The following METAP1 variants were observed in gnomAD, a reference collection of about 807,000 sequenced individuals.
METAP1 encodes methionyl aminopeptidase 1, also known as methionine aminopeptidase 1.
A neutral mutation model predicts 53.8 loss-of-function variants in METAP1; 28 were observed. The observed-to-expected ratio is 0.52, with a 90% confidence interval of 0.39 to 0.71. The LOEUF (loss-of-function observed/expected upper bound fraction) is 0.71, where lower values mean the gene tolerates loss of function less well. Ranked by LOEUF, METAP1 falls within the 30% of genes least tolerant of loss-of-function variation. The pLI is 0.00. For synonymous variants in METAP1, 181 were observed against 165.7 expected (o/e 1.09, Z -0.71); for missense variants, 389 against 479.8 (o/e 0.81, Z 1.77).
chr4:99,000,784 A>C (rs1722884828), intron 1 of METAP1, among the ~76,000 whole-genome samples: 1 of 151,134 alleles, frequency 6.6e-6, no homozygotes, highest in Admixed American at 6.6e-5. Context: ...GTTCACTGCA[A>C]CCTTCACCTC....
chr4:99,016,406 T>TG (rs771411809), intron 1 of METAP1, among the ~76,000 whole-genome samples: 2 of 152,146 alleles, frequency 1.3e-5, no homozygotes, highest in Non-Finnish European at 2.9e-5. Context: ...TCTACTCTCC[T>TG]GGAGGAGGAG....
intron 7 of METAP1, 128 bp from the exon 8 acceptor site, chr4:99,045,051 T>TCA (rs1726121698): frequency 1.1e-6 from 1 of 872,364 alleles, no homozygotes; most frequent in East Asian, 2.8e-5. Flanking sequence ...ATCTATCCAT[T>TCA]GGTGTCTAAT....
At chr4:98,996,526 C>G (rs932333596) in intron 1 of METAP1, among the ~76,000 whole-genome samples, 3 of 152,168 alleles carry the variant, frequency 2.0e-5, no homozygotes, top group Non-Finnish European at 2.9e-5. Flanking sequence ...TCTTTTCTTT[C>G]GGTATATAAA....
At chr4:99,041,494 A>G (rs2110369545) in intron 6 of METAP1, among the ~76,000 whole-genome samples, 1 of 152,254 alleles carries the variant, frequency 6.6e-6, no homozygotes, top group South Asian at 2.1e-4. Flanking sequence ...ATGGTAGATT[A>G]GTTAAATGTT....
intron 5 of METAP1, among the ~76,000 whole-genome samples, 183 bp downstream of exon 5, chr4:99,039,648 C>T (rs1043046314): frequency 6.6e-6 from 1 of 151,050 alleles, no homozygotes; most frequent in Non-Finnish European, 1.5e-5. Flanking sequence ...GGCTGGAGTG[C>T]AGTGGCGTGA....
rs1465674737 is a variant in METAP1 at position 99,025,547 on chromosome 4, A to G, written c.115-3320A>G. The stretch of plus-strand genomic sequence containing the variant: ...TTATTTGTAAAGAAAAGCATTTCAC[A>G]GGATTTTAATGAGGAGCCAGAGCTG... On this transcript the variant is annotated intron_variant, in intron 1 of 10. Transcript: ENST00000296411. 4.5e-6 allele frequency: 4 copies of G among 880,530 alleles called. No homozygotes were observed. The African/African-American group carries it at 7.3e-5, about 16-fold the overall frequency. 54.5% of individuals were successfully genotyped at this position (880,530 alleles called of 1,614,324 possible).
chr4:99,008,778 T>C (rs1723312317), intron 1 of METAP1, among the ~76,000 whole-genome samples: 1 of 152,218 alleles, frequency 6.6e-6, no homozygotes, highest in South Asian at 2.1e-4. Flanking sequence ...AAATCTCAAA[T>C]GTTAGCTGCT....
intron 9 of METAP1, among the ~76,000 whole-genome samples, chr4:99,054,082 C>T (rs775912267): frequency 2.0e-4 from 30 of 151,782 alleles, no homozygotes; most frequent in Non-Finnish European, 3.1e-4. Context: ...GCTGCAGGAT[C>T]CCCTAACAAG....
intron 5 of METAP1, 120 bp downstream of exon 5, chr4:99,039,585 C>CTT (rs372906038): frequency 2.5e-4 from 109 of 437,252 alleles, no homozygotes; most frequent in African/African-American, 4.9e-4. Flanking sequence ...ACCAGCCATG[C>CTT]TTTTTTTTTT....
At chr4:99,020,161 G>A (rs1159127212) in intron 1 of METAP1, among the ~76,000 whole-genome samples, 10 of 152,084 alleles carry the variant, frequency 6.6e-5, no homozygotes, top group Non-Finnish European at 1.5e-5. Context: ...TTTGAAAAGA[G>A]GATACCCAGG....
chr4:99,010,335 T>C (rs1425566613), intron 1 of METAP1, among the ~76,000 whole-genome samples: 1 of 152,168 alleles, frequency 6.6e-6, no homozygotes, highest in African/African-American at 2.4e-5. Context: ...GCGCCTGTAG[T>C]GCCAACTACT....
chr4:99,017,272 G>A (rs969841202), intron 1 of METAP1, among the ~76,000 whole-genome samples: 5 of 152,162 alleles, frequency 3.3e-5, no homozygotes, highest in Non-Finnish European at 7.3e-5. Context: ...AAATGTATGC[G>A]CTACCCCAAA....
intron 1 of METAP1, among the ~76,000 whole-genome samples, chr4:99,008,637 G>GT (rs1723303396): frequency 6.6e-6 from 1 of 152,072 alleles, no homozygotes; most frequent in Admixed American, 6.6e-5. Context: ...TTACCCCTGT[G>GT]TTTTTTGGAC....
chr4:99,049,623 C>T (rs1726539865), intron 9 of METAP1, among the ~76,000 whole-genome samples: 1 of 152,090 alleles, frequency 6.6e-6, no homozygotes, highest in Non-Finnish European at 1.5e-5. Context: ...AGGAATGAAT[C>T]TGTTATTTAA....
chr4:99,039,511 A>G (rs375489675), intron 5 of METAP1, 46 bp downstream of exon 5: 4 of 1,142,948 alleles, frequency 3.5e-6, no homozygotes, highest in South Asian at 1.3e-5. Flanking sequence ...TTTAAGCAGT[A>G]CTTAGACATG....
intron 6 of METAP1, among the ~76,000 whole-genome samples, chr4:99,041,682 C>T (rs1725880678): frequency 6.6e-6 from 1 of 151,784 alleles, no homozygotes; most frequent in Admixed American, 6.6e-5. Context: ...ATATGGAAAG[C>T]AGATCACACG....
rs888815794 is a variant in METAP1, at chr4:99,015,727, C to G, written c.115-13140C>G. On this transcript the variant is annotated intron_variant, in intron 1 of 10. Transcript: ENST00000296411. ...GGACATAGATATTTTTCTGAAGAGGCTAGTTGCCTTTGGTTATGTAGGTCC... is the reference window on the plus strand; with the variant it reads ...GGACATAGATATTTTTCTGAAGAGGGTAGTTGCCTTTGGTTATGTAGGTCC... Among the ~76,000 whole-genome samples, 3 of 152,098 alleles carry G rather than the reference C, an allele frequency of 2.0e-5. No individual in the cohort carries two copies. In the East Asian group the frequency reaches 5.8e-4, roughly 29 times the overall value.
Position 98,999,508 on chromosome 4 carries a change from ATTTTTTTT to A in METAP1, c.114+3654_114+3661del, listed in dbSNP as rs58336779. Among the ~76,000 whole-genome samples the A allele has an allele frequency of 4.4e-5, 5 of 113,044 alleles. No individual in the cohort carries two copies. The Admixed American group carries it at 4.7e-4, about 11-fold the overall frequency. The allele number at this position is 113,044 out of a possible 152,430, so 74.2% of individuals were successfully genotyped here. A position where few individuals can be genotyped will look rare whatever the true frequency, so the allele number is the denominator to read the frequency against. ...AGAAATATTTTATCTAGGATGCTTA[ATTTTTTTT>A]TTTTTTTTTTTTGAGACCGAGTCTT... On this transcript the variant is annotated intron_variant, in intron 1 of 10. Coordinates refer to ENST00000296411, the MANE Select transcript of METAP1 (RefSeq NM_015143.3).
intron 10 of METAP1, among the ~76,000 whole-genome samples, chr4:99,060,410 CT>C (rs942428640): frequency 1.9e-4 from 25 of 134,340 alleles, no homozygotes; most frequent in African/African-American, 6.6e-4. Flanking sequence ...GTCGCCCAGG[CT>C]GGAATGCAGT....
Sources: allele counts gnomAD v4.1 joint callset (sites outside exome capture counted in the v4.1 genomes callset), GRCh38; gene constraint gnomAD v4.1.1; transcripts MANE v1.5; gene names NCBI Gene and HGNC (gene_info 2026-07-23, HGNC 2026-07-21).